Variants in FBXO34 observed in about 807,000 individuals in gnomAD.
The protein encoded by FBXO34 is F-box only protein 34.
A neutral mutation model predicts 24.5 loss-of-function variants in FBXO34; 12 were observed. That is an observed-to-expected ratio of 0.49 (90% confidence interval 0.31 to 0.79). The LOEUF is 0.79. Among genes scored for constraint, FBXO34 ranks in the 30% least tolerant of loss-of-function variants. FBXO34 has a pLI of 0.04. For missense variants in FBXO34, 823 were observed against 857.7 expected (o/e 0.96, Z 0.51); for synonymous variants, 320 against 311.9 (o/e 1.03, Z -0.27).
chr14:55,431,723 T>C, the FBXO34 span, among the ~76,000 whole-genome samples: 1 of 152,224 alleles, frequency 6.6e-6, no homozygotes, highest in Non-Finnish European at 1.5e-5. Context: ...AATAAATGTA[T>C]CTGAGTACCG....
At chr14:55,331,671 GTATATA>G (rs1167083082) in intron 1 of FBXO34, among the ~76,000 whole-genome samples, 2 of 45,564 alleles carry the variant, frequency 4.4e-5, no homozygotes, top group African/African-American at 2.6e-4. Flanking sequence ...CATGGTGTGT[GTATATA>G]TATATATGTG....
downstream of FBXO34, chr14:55,369,713 G>T (rs759622887): frequency 1.2e-6 from 2 of 1,611,190 alleles, no homozygotes; most frequent in Admixed American, 3.3e-5. Context: ...GATGGGTGGG[G>T]ACGCCTGGGT....
chr14:55,397,434 C>A, the FBXO34 span: 5 of 1,611,026 alleles, frequency 3.1e-6, 1 homozygote, highest in South Asian at 2.2e-5. Flanking sequence ...TGTCGATAAA[C>A]CTGTAACAAA....
At chr14:55,385,527 A>C in the FBXO34 span, among the ~76,000 whole-genome samples, 1 of 152,208 alleles carries the variant, frequency 6.6e-6, no homozygotes, top group Non-Finnish European at 1.5e-5. Context: ...TCCTGACCTC[A>C]GGTGATTCGC....
At chr14:55,397,576 G>A in the FBXO34 span, 2 of 679,622 alleles carry the variant, frequency 2.9e-6, no homozygotes, top group Non-Finnish European at 5.2e-6. Flanking sequence ...TCTTCTCAAC[G>A]GGGTGCACAC....
chr14:55,275,837 A>C (rs2139624402), intron 1 of FBXO34, among the ~76,000 whole-genome samples: 1 of 151,176 alleles, frequency 6.6e-6, no homozygotes, highest in Non-Finnish European at 1.5e-5. Context: ...AAAAAAAAAA[A>C]AAAACGAGGA....
chr14:55,440,731 C>T, the FBXO34 span: 1 of 599,252 alleles, frequency 1.7e-6, no homozygotes, highest in Non-Finnish European at 2.8e-6. Context: ...GGGCAGTCAC[C>T]CCACTCTGCC....
the FBXO34 span, chr14:55,397,273 T>G: frequency 3.1e-5 from 32 of 1,030,588 alleles, no homozygotes; most frequent in Non-Finnish European, 4.7e-5. Context: ...CTAAATTCAG[T>G]AAGTTAGCAA....
intron 1 of FBXO34, among the ~76,000 whole-genome samples, chr14:55,339,093 A>G (rs1206342990): frequency 3.3e-5 from 5 of 152,206 alleles, no homozygotes; most frequent in Admixed American, 1.3e-4. Context: ...CTCTGACTCA[A>G]TAATTTCACT....
intron 3 of FBXO34, among the ~76,000 whole-genome samples, chr14:55,361,533 G>T (rs1884595541): frequency 6.6e-6 from 1 of 152,130 alleles, no homozygotes; most frequent in Non-Finnish European, 1.5e-5. Context: ...TAATGAGAGA[G>T]TCAGCCTGTC....
At chr14:55,287,880 A>C (rs1280098436) in intron 1 of FBXO34, among the ~76,000 whole-genome samples, 1 of 152,214 alleles carries the variant, frequency 6.6e-6, no homozygotes, top group Non-Finnish European at 1.5e-5. Context: ...CATTTGCATC[A>C]TGTCGGCAAT....
chr14:55,404,960 C>A, the FBXO34 span, among the ~76,000 whole-genome samples: 1 of 152,052 alleles, frequency 6.6e-6, no homozygotes, highest in Admixed American at 6.6e-5. Flanking sequence ...AATGCAAAAA[C>A]CTTTTATAAG....
the FBXO34 span, among the ~76,000 whole-genome samples, chr14:55,434,906 A>C: frequency 6.6e-6 from 1 of 151,900 alleles, no homozygotes; most frequent in African/African-American, 2.4e-5. Flanking sequence ...TTTTCCCAGT[A>C]GGAAGCAGGT....
At chr14:55,344,766 C>G (rs910766159) in intron 1 of FBXO34, among the ~76,000 whole-genome samples, 3 of 152,080 alleles carry the variant, frequency 2.0e-5, no homozygotes, top group Non-Finnish European at 2.9e-5. Flanking sequence ...GTTCCCCTCC[C>G]TGTATCCATG....
chr14:55,374,216 G>GTT (rs112314795), downstream of FBXO34, among the ~76,000 whole-genome samples: 22,410 of 151,236 alleles, frequency 0.15, 1,831 homozygotes, highest in East Asian at 0.19. Context: ...TTATTTTAAT[G>GTT]TTTTTTTTTA....
chr14:55,389,151 T>C, the FBXO34 span, among the ~76,000 whole-genome samples: 1 of 152,210 alleles, frequency 6.6e-6, no homozygotes, highest in Non-Finnish European at 1.5e-5. Flanking sequence ...TGGTTGTTTT[T>C]GTTTTTGGGA....
At chr14:55,440,505 A>G in the FBXO34 span, 2 of 1,611,976 alleles carry the variant, frequency 1.2e-6, no homozygotes, top group African/African-American at 1.3e-5. Flanking sequence ...GCGCGGAGCG[A>G]GCAGCCTCGG....
chr14:55,365,038 G>GCCAGGTCTACTT (rs1476254656), downstream of FBXO34, among the ~76,000 whole-genome samples: 2 of 146,774 alleles, frequency 1.4e-5, no homozygotes, highest in African/African-American at 5.1e-5. Flanking sequence ...GGCTAATGTG[G>GCCAGGTCTACTT]TGAAACCCCA....
intron 1 of FBXO34, among the ~76,000 whole-genome samples, chr14:55,283,007 G>A (rs1247536540): frequency 6.6e-6 from 1 of 152,158 alleles, no homozygotes; most frequent in Non-Finnish European, 1.5e-5. Context: ...TTATTCTCTG[G>A]AGGTTGTCAG....
Sources: allele counts gnomAD v4.1 joint callset (sites outside exome capture counted in the v4.1 genomes callset), GRCh38; gene constraint gnomAD v4.1.1; transcripts MANE v1.5; gene names NCBI Gene and HGNC (gene_info 2026-07-23, HGNC 2026-07-21).